Variants in GALNT13 observed in about 807,000 individuals in gnomAD.
The protein encoded by GALNT13 is UDP-GalNAc:polypeptide N-acetylgalactosaminyltransferase 13.
A neutral mutation model predicts 64.2 loss-of-function variants in GALNT13; 28 were observed. That is an observed-to-expected ratio of 0.44 (90% confidence interval 0.32 to 0.60). The LOEUF is 0.60. Ranked by LOEUF, GALNT13 falls within the 20% of genes least tolerant of loss-of-function variation. The pLI is 0.05. For missense variants in GALNT13, 577 were observed against 669.8 expected (o/e 0.86, Z 1.53); for synonymous variants, 214 against 224.6 (o/e 0.95, Z 0.42).
At chr2:154,274,693 A>G (rs1036705535) in intron 8 of GALNT13, among the ~76,000 whole-genome samples, 11 of 152,124 alleles carry the variant, frequency 7.2e-5, no homozygotes, top group African/African-American at 2.7e-4. Flanking sequence ...CTCTTTCTTT[A>G]TAAATTACCC....
chr2:153,392,115 A>G, the GALNT13 span, among the ~76,000 whole-genome samples: 3 of 148,768 alleles, frequency 2.0e-5, no homozygotes, highest in Non-Finnish European at 3.0e-5. Context: ...ATGTATGTTT[A>G]TAATATATAA....
At chr2:154,150,467 T>G (rs1683925616) in intron 4 of GALNT13, among the ~76,000 whole-genome samples, 1 of 152,266 alleles carries the variant, frequency 6.6e-6, no homozygotes, top group Non-Finnish European at 1.5e-5. Context: ...GAGGATTCCC[T>G]CTTTGTCTGT....
chr2:154,083,709 A>G (rs1701393964), intron 3 of GALNT13, among the ~76,000 whole-genome samples: 1 of 151,714 alleles, frequency 6.6e-6, no homozygotes, highest in South Asian at 2.1e-4. Flanking sequence ...CGGATAATTA[A>G]GTGATGTCTT....
chr2:153,653,795 A>T, the GALNT13 span, among the ~76,000 whole-genome samples: 1 of 152,194 alleles, frequency 6.6e-6, no homozygotes, highest in African/African-American at 2.4e-5. Context: ...CCTATCTTAT[A>T]TGAATATATT....
intron 4 of GALNT13, among the ~76,000 whole-genome samples, chr2:154,228,208 A>G (rs1022656554): frequency 1.3e-5 from 2 of 151,966 alleles, no homozygotes; most frequent in African/African-American, 4.8e-5. Context: ...CCTCAGCCTC[A>G]AAGAGCGTGT....
At chr2:153,913,816 G>A (rs1689148598) in intron 2 of GALNT13, among the ~76,000 whole-genome samples, 1 of 152,058 alleles carries the variant, frequency 6.6e-6, no homozygotes, top group Non-Finnish European at 1.5e-5. Flanking sequence ...TGTTCTCAAT[G>A]CCTTGCCTCT....
At chr2:154,394,038 A>C (rs1218600863) in intron 9 of GALNT13, among the ~76,000 whole-genome samples, 5 of 121,138 alleles carry the variant, frequency 4.1e-5, no homozygotes, top group Non-Finnish European at 6.4e-5. Context: ...AGATTGCGCC[A>C]CTGCACTCCA....
chr2:154,051,808 A>G (rs1699636496), intron 3 of GALNT13, among the ~76,000 whole-genome samples: 1 of 152,154 alleles, frequency 6.6e-6, no homozygotes, highest in Non-Finnish European at 1.5e-5. Flanking sequence ...TGTGAGCTAT[A>G]TGTTCTAAGT....
the GALNT13 span, among the ~76,000 whole-genome samples, chr2:153,619,403 G>A: frequency 4.6e-5 from 7 of 151,930 alleles, no homozygotes; most frequent in Non-Finnish European, 1.5e-5. Context: ...ATTTTGCATT[G>A]GTTCATCAAT....
the GALNT13 span, among the ~76,000 whole-genome samples, chr2:153,087,951 G>T: frequency 6.6e-6 from 1 of 151,616 alleles, no homozygotes; most frequent in South Asian, 2.1e-4. Flanking sequence ...GTATTTTTTT[G>T]TATGAATTTC....
At chr2:153,731,765 C>CT in the GALNT13 span, among the ~76,000 whole-genome samples, 20 of 151,212 alleles carry the variant, frequency 1.3e-4, no homozygotes, top group South Asian at 1.2e-3. Context: ...ATTTTGACAT[C>CT]TTTTTTTTTC....
the GALNT13 span, among the ~76,000 whole-genome samples, chr2:153,709,332 G>T: frequency 6.6e-6 from 1 of 151,868 alleles, no homozygotes; most frequent in South Asian, 2.1e-4. Context: ...AAGGGCAAAA[G>T]ACATGAATAG....
At chr2:153,174,347 G>T in the GALNT13 span, among the ~76,000 whole-genome samples, 1 of 152,144 alleles carries the variant, frequency 6.6e-6, no homozygotes, top group Admixed American at 6.5e-5. Context: ...TTACCCTTCA[G>T]TCCAGGATGG....
the GALNT13 span, among the ~76,000 whole-genome samples, chr2:153,751,245 G>T: frequency 2.0e-5 from 3 of 151,908 alleles, no homozygotes; most frequent in African/African-American, 7.2e-5. Flanking sequence ...CTGTCCTTGA[G>T]AATGAGCCAT....
chr2:153,537,077 G>T, the GALNT13 span, among the ~76,000 whole-genome samples: 1 of 152,122 alleles, frequency 6.6e-6, no homozygotes, highest in Non-Finnish European at 1.5e-5. Context: ...ACAAAGTAGG[G>T]GTGGAACAGT....
At chr2:153,555,120 C>A in the GALNT13 span, among the ~76,000 whole-genome samples, 1 of 151,256 alleles carries the variant, frequency 6.6e-6, no homozygotes, top group Non-Finnish European at 1.5e-5. Context: ...AGAGAGAAAC[C>A]TTCATTGTCT....
chr2:154,130,228 C>T (rs1207493910), intron 3 of GALNT13, among the ~76,000 whole-genome samples: 1 of 152,066 alleles, frequency 6.6e-6, no homozygotes, highest in African/African-American at 2.4e-5. Context: ...AAATAAATGC[C>T]TTGACCTCAT....
chr2:153,223,567 A>G, the GALNT13 span, among the ~76,000 whole-genome samples: 3 of 152,228 alleles, frequency 2.0e-5, no homozygotes, highest in Admixed American at 6.5e-5. Context: ...AAATTAAACA[A>G]AACAGTTCTA....
the GALNT13 span, among the ~76,000 whole-genome samples, chr2:153,305,855 C>G: frequency 6.6e-6 from 1 of 152,194 alleles, no homozygotes; most frequent in Non-Finnish European, 1.5e-5. Flanking sequence ...AGTAGGGACT[C>G]TATCTCCTTT....
Sources: gnomAD v4.1 joint callset for allele counts (sites outside exome capture counted in the v4.1 genomes callset) on GRCh38, gnomAD v4.1.1 for gene constraint, MANE v1.5 for transcripts, NCBI Gene and HGNC (gene_info 2026-07-23, HGNC 2026-07-21) for gene names.